LARGE1: variants seen among roughly 807,000 people sequenced by gnomAD.
LARGE1 encodes LARGE xylosyl- and glucuronyltransferase 1.
In LARGE1, 43 loss-of-function variants were observed where a neutral mutation model predicts 87.6. The ratio of observed to expected loss-of-function variants is 0.49; its 90% CI spans 0.38 to 0.63. LARGE1 has a LOEUF of 0.63. Among genes scored for constraint, LARGE1 ranks in the 30% least tolerant of loss-of-function variants. The probability of loss-of-function intolerance (pLI) is 0.00; values close to 1 mark genes in which losing one functional copy is unlikely to be tolerated. For missense variants in LARGE1, 802 were observed against 1,000.2 expected, an observed-to-expected ratio of 0.80 and a Z score of 2.67; for synonymous variants, 434 against 394.6, an observed-to-expected ratio of 1.10 and a Z score of -1.18.
chr22:33,430,495 G>T (rs191047050), intron 7 of LARGE1, among the ~76,000 whole-genome samples: 20 of 152,288 alleles, frequency 1.3e-4, no homozygotes, highest in Non-Finnish European at 2.4e-4. Flanking sequence ...AACACAGCAT[G>T]GGAGACTCCA....
intron 11 of LARGE1, among the ~76,000 whole-genome samples, chr22:33,307,255 T>C (rs1023067548): frequency 9.9e-5 from 15 of 152,154 alleles, no homozygotes; most frequent in African/African-American, 3.6e-4. Context: ...CACCACCCTC[T>C]TACAGGCAAG....
At chr22:33,133,259 C>G in the LARGE1 span, among the ~76,000 whole-genome samples, 2 of 152,008 alleles carry the variant, frequency 1.3e-5, no homozygotes, top group Non-Finnish European at 2.9e-5. Context: ...TATACACGTG[C>G]CATGGTAGTT....
chr22:33,858,746 G>T (rs191214484), intron 1 of LARGE1, among the ~76,000 whole-genome samples: 1 of 152,142 alleles, frequency 6.6e-6, no homozygotes, highest in Non-Finnish European at 1.5e-5. Context: ...ACATGCACAC[G>T]TATGTTTATT....
chr22:33,680,850 A>G (rs894994600), intron 2 of LARGE1, among the ~76,000 whole-genome samples: 3 of 152,072 alleles, frequency 2.0e-5, no homozygotes, highest in Non-Finnish European at 4.4e-5. Context: ...GGGAAATGTC[A>G]TCTGCCTGTT....
At chr22:33,120,896 T>C in the LARGE1 span, among the ~76,000 whole-genome samples, 1 of 151,990 alleles carries the variant, frequency 6.6e-6, no homozygotes, top group Non-Finnish European at 1.5e-5. Context: ...ATGCAGGGGC[T>C]CATCTTTGAG....
intron 6 of LARGE1, among the ~76,000 whole-genome samples, chr22:33,505,790 G>T (rs970866982): frequency 1.3e-5 from 2 of 152,112 alleles, no homozygotes; most frequent in African/African-American, 4.8e-5. Flanking sequence ...GTCATTTCAG[G>T]AATCATCTCT....
intron 2 of LARGE1, among the ~76,000 whole-genome samples, chr22:33,697,563 A>AAAAG (rs1569381819): frequency 6.0e-5 from 9 of 151,152 alleles, no homozygotes; most frequent in Admixed American, 3.3e-4. Context: ...AAAAAAAAAA[A>AAAAG]AAAAAAAGGA....
intron 6 of LARGE1, among the ~76,000 whole-genome samples, chr22:33,467,863 A>G (rs1434609443): frequency 6.6e-6 from 1 of 152,134 alleles, no homozygotes; most frequent in East Asian, 1.9e-4. Flanking sequence ...CTTCAGCCCC[A>G]TCTGTCTTTG....
intron 1 of LARGE1, among the ~76,000 whole-genome samples, chr22:33,792,067 G>A (rs1326785881): frequency 1.3e-5 from 2 of 152,144 alleles, no homozygotes; most frequent in Admixed American, 6.5e-5. Flanking sequence ...GCACTTAGCA[G>A]CAGAACCAGT....
chr22:33,510,378 G>T (rs1235424157), intron 6 of LARGE1, among the ~76,000 whole-genome samples: 3 of 152,214 alleles, frequency 2.0e-5, no homozygotes, highest in Admixed American at 6.5e-5. Context: ...TTCAGCCATA[G>T]AGAGGAGACC....
At chr22:33,710,267 T>C (rs1410880875) in intron 2 of LARGE1, among the ~76,000 whole-genome samples, 1 of 151,650 alleles carries the variant, frequency 6.6e-6, no homozygotes, top group Non-Finnish European at 1.5e-5. Context: ...CTTTGAGGAA[T>C]AAGCAGTCTG....
intron 1 of LARGE1, among the ~76,000 whole-genome samples, chr22:33,812,499 A>C (rs1300017594): frequency 6.6e-6 from 1 of 152,196 alleles, no homozygotes; most frequent in Non-Finnish European, 1.5e-5. Context: ...TGAGATTCAA[A>C]CCAGAGCCTC....
chr22:33,094,925 G>A, the LARGE1 span, among the ~76,000 whole-genome samples: 2 of 152,130 alleles, frequency 1.3e-5, no homozygotes, highest in Non-Finnish European at 2.9e-5. Flanking sequence ...CTCCATGTTG[G>A]TCAGGCTTGT....
At chr22:33,249,433 G>A (rs1926915662) in intron 11 of LARGE1, among the ~76,000 whole-genome samples, 1 of 151,998 alleles carries the variant, frequency 6.6e-6, no homozygotes, top group East Asian at 1.9e-4. Flanking sequence ...TTATACTTTG[G>A]TTAGCCGTTC....
At chr22:33,229,352 G>GA (rs1178497906) in intron 11 of LARGE1, among the ~76,000 whole-genome samples, 1 of 151,534 alleles carries the variant, frequency 6.6e-6, no homozygotes, top group African/African-American at 2.4e-5. Flanking sequence ...TCACAAACTA[G>GA]AAAAAATTAT....
chr22:33,673,170 G>A (rs2081468664), intron 2 of LARGE1, among the ~76,000 whole-genome samples: 1 of 152,182 alleles, frequency 6.6e-6, no homozygotes, highest in Non-Finnish European at 1.5e-5. Flanking sequence ...ATCTACTCGG[G>A]AGTCTGAAGC....
chr22:33,469,283 G>C (rs1395342382), intron 6 of LARGE1, among the ~76,000 whole-genome samples: 2 of 152,148 alleles, frequency 1.3e-5, no homozygotes, highest in Non-Finnish European at 2.9e-5. Context: ...AATCAACCTA[G>C]ATGCCCATCA....
chr22:33,359,519 A>G (rs942318058), intron 9 of LARGE1, among the ~76,000 whole-genome samples: 4 of 151,526 alleles, frequency 2.6e-5, no homozygotes, highest in Non-Finnish European at 5.9e-5. Flanking sequence ...GAGAGCAGCA[A>G]CTTAAGCAAC....
At chr22:33,132,179 C>T in the LARGE1 span, among the ~76,000 whole-genome samples, 5 of 151,972 alleles carry the variant, frequency 3.3e-5, no homozygotes, top group South Asian at 2.1e-4. Flanking sequence ...TGTGTATTTA[C>T]TTATTTATTT....
Sources: gnomAD v4.1 joint callset for allele counts (sites outside exome capture counted in the v4.1 genomes callset) on GRCh38, gnomAD v4.1.1 for gene constraint, MANE v1.5 for transcripts, NCBI Gene and HGNC (gene_info 2026-07-23, HGNC 2026-07-21) for gene names.